The following COQ8A variants were observed in gnomAD, a reference collection of about 807,000 sequenced individuals.
The protein encoded by COQ8A is atypical kinase COQ8A, mitochondrial.
Under a neutral mutation model 65.0 loss-of-function variants are expected in COQ8A, and 51 were observed. That is an observed-to-expected ratio of 0.78 (90% CI 0.63 to 0.99). COQ8A has a LOEUF of 0.99. Among genes scored for constraint, COQ8A ranks in the 50% least tolerant of loss-of-function variants. COQ8A has a pLI of 0.00. For missense variants in COQ8A, 940 were observed against 875.0 expected (o/e 1.07, Z -0.94); for synonymous variants, 371 against 353.2 (o/e 1.05, Z -0.57).
intron 5 of COQ8A, 29 bp from the exon 6 acceptor site, chr1:226,981,998 C>A (rs200690445): frequency 3.1e-6 from 5 of 1,612,830 alleles, no homozygotes; most frequent in Non-Finnish European, 4.2e-6. Context: ...CCCCCGAGTG[C>A]CGTGGTGACC....
chr1:226,951,010 G>C (rs1328738169), intron 1 of COQ8A, among the ~76,000 whole-genome samples: 1 of 152,212 alleles, frequency 6.6e-6, no homozygotes, highest in African/African-American at 2.4e-5. Flanking sequence ...CTGTGTGAGG[G>C]CCATGGTGAG....
intron 1 of COQ8A, among the ~76,000 whole-genome samples, chr1:226,960,397 G>T (rs868795589): frequency 9.7e-6 from 1 of 103,508 alleles, no homozygotes; most frequent in East Asian, 3.2e-4. Context: ...TGTCAGTGGT[G>T]GTACTTGGTG....
chr1:226,942,282 A>G (rs893331503), intron 1 of COQ8A, among the ~76,000 whole-genome samples: 3 of 152,130 alleles, frequency 2.0e-5, no homozygotes, highest in Non-Finnish European at 4.4e-5. Context: ...GCCCTAACCC[A>G]GTGGTAAAAG....
chr1:226,978,568 A>C (rs1275662144), intron 5 of COQ8A, among the ~76,000 whole-genome samples: 103 of 69,776 alleles, frequency 1.5e-3, no homozygotes, highest in Non-Finnish European at 2.4e-3. Flanking sequence ...CCACAGCCAC[A>C]CACCACCTTA....
intron 4 of COQ8A, among the ~76,000 whole-genome samples, chr1:226,967,101 T>C (rs1055405031): frequency 3.9e-5 from 6 of 152,246 alleles, no homozygotes; most frequent in African/African-American, 1.4e-4. Context: ...CAGTCCCTCA[T>C]AGAATATCAC....
In COQ8A at chr1:226,986,446, G is replaced by GC. The variant is rs1660119789; in HGVS notation, c.1660-3dup. The GC allele has an allele frequency of 1.2e-6, 2 of 1,611,328 alleles. No individual in the cohort carries two copies. The highest frequency in any genetic ancestry group is 1.7e-6 in the Non-Finnish European group (2 of 1,179,854). On this transcript the variant is annotated splice_region_variant and splice_polypyrimidine_tract_variant and intron_variant, in intron 14 of 14. Coordinates refer to ENST00000366777, the MANE Select transcript of COQ8A (RefSeq NM_020247.5). ...CGCCGCCATTTATCCTTCCTCTCTT[G>GC]CCCCAGGTCATGGAAGACGCCCACT... is the stretch of plus-strand genomic sequence containing the variant.
intron 7 of COQ8A, 27 bp downstream of exon 7, chr1:226,982,790 C>T (rs768092460): frequency 1.4e-5 from 23 of 1,613,256 alleles, no homozygotes; most frequent in Non-Finnish European, 1.9e-5. Context: ...TCTGCCCACT[C>T]TCTGTGGCCT....
chr1:226,984,888 G>A lies in COQ8A; in HGVS notation c.1519G>A (p.Asp507Asn), dbSNP rs1659982985. Reference protein sequence around the residue: ...DPQQHKVALLDFGATREYDRS... With the variant: ...DPQQHKVALLNFGATREYDRS... ...TCTCTGTCCCCAGGTGGCTCTTTTGGATTTTGGGGCAACGCGGGAATATGA... is the reference window on the plus strand; with the variant it reads ...TCTCTGTCCCCAGGTGGCTCTTTTGAATTTTGGGGCAACGCGGGAATATGA... The change falls in exon 13 of 15, where the codon GAT becomes AAT. Residue 507 changes from aspartate (D) to asparagine (N), a missense_variant. Coordinates refer to ENST00000366777, the MANE Select transcript of COQ8A (RefSeq NM_020247.5). 6.2e-7 allele frequency: 1 copy of A among 1,614,070 alleles called. No homozygotes were observed.
At chr1:226,979,418 C>A (rs192073835) in intron 5 of COQ8A, among the ~76,000 whole-genome samples, 1 of 152,308 alleles carries the variant, frequency 6.6e-6, no homozygotes, top group Non-Finnish European at 1.5e-5. Flanking sequence ...CAGGGGCTTT[C>A]CTGTTAGTGG....
chr1:226,966,896 C>T (rs971585545), intron 4 of COQ8A, among the ~76,000 whole-genome samples: 2 of 152,074 alleles, frequency 1.3e-5, no homozygotes, highest in African/African-American at 2.4e-5. Context: ...TGATGGCTGG[C>T]CCCCCTCTCC....
chr1:226,952,580 A>AT (rs1657451811), intron 1 of COQ8A, among the ~76,000 whole-genome samples: 1 of 151,742 alleles, frequency 6.6e-6, no homozygotes, highest in Non-Finnish European at 1.5e-5. Context: ...CGCCTGGCTA[A>AT]TTTTTTTGTT....
Position 226,982,911 on chromosome 1 carries a change from C to T in COQ8A, c.957C>T (p.Asp319=), listed in dbSNP as rs764147237. The change falls in exon 8 of 15, where the codon GAC becomes GAT. Residue 319 remains aspartate, a synonymous_variant. Coordinates refer to ENST00000366777, the MANE Select transcript of COQ8A (RefSeq NM_020247.5). ...CCCTTCAGAAAACTCTCAACAACGACCTGGGCCCCAACTGGCGGGACAAGT... is the reference window on the plus strand; with the variant it reads ...CCCTTCAGAAAACTCTCAACAACGATCTGGGCCCCAACTGGCGGGACAAGT... ...LKQMMKTLNN[D]LGPNWRDKLE... is the part of the protein sequence containing the mutation. 6 of 1,612,662 alleles carry T rather than the reference C, an allele frequency of 3.7e-6. No individual in the cohort carries two copies. The highest frequency in any genetic ancestry group is 3.4e-6 in the Non-Finnish European group (4 of 1,179,864).
rs12567464 is a variant in COQ8A at position 226,946,685 on chromosome 1, A to G, written c.-10+6286A>G. 0.038 allele frequency among the ~76,000 whole-genome samples: 5,833 copies of G among 152,318 alleles called. 347 individuals are homozygous for G. Among genetic ancestry groups the G allele is most frequent in the African/African-American group, 0.12 (5,076 of 41,550 alleles). On this transcript the variant is annotated intron_variant, in intron 1 of 14. Transcript: ENST00000366777. This position sits in a 1 kb window ranked among gnomAD's most constrained non-coding sequence, Gnocchi z 5.3. The stretch of plus-strand genomic sequence containing the variant: ...TGATTTTAAAAGCTATCGAGGTTTT[A>G]CATACACATGTAGTGCCTAAGGGTT...
In COQ8A at chr1:226,965,416, T is replaced by A; in HGVS notation, c.588+6T>A. ...ACAAGCAGCACAAACAGACGGTGCG[T>A]ATGGGAGGCCCCTGGAGGGCCGAGG... is the stretch of plus-strand genomic sequence containing the variant. On this transcript the variant is annotated splice_donor_region_variant and intron_variant, in intron 3 of 14. Transcript: ENST00000366777. 1.9e-6 allele frequency: 3 copies of A among 1,605,550 alleles called. No homozygotes were observed. Among genetic ancestry groups the A allele is most frequent in the Non-Finnish European group, 2.5e-6 (3 of 1,177,686 alleles).
chr1:226,962,792 C>G (rs1479919004), intron 2 of COQ8A, among the ~76,000 whole-genome samples: 1 of 152,238 alleles, frequency 6.6e-6, no homozygotes, highest in Non-Finnish European at 1.5e-5. Context: ...CCTGTGCTCT[C>G]CCCCGAGCCT....
chr1:226,969,114 G>A (rs760168768), intron 4 of COQ8A, among the ~76,000 whole-genome samples: 4 of 152,068 alleles, frequency 2.6e-5, no homozygotes, highest in African/African-American at 4.8e-5. Context: ...GCAGTGATCC[G>A]TCTATCTAGT....
At chr1:226,983,073 CTGCA>C in intron 8 of COQ8A, 39 bp downstream of exon 8, 1 of 1,557,480 alleles carries the variant, frequency 6.4e-7, no homozygotes, top group Non-Finnish European at 8.7e-7. Context: ...CCTATGGGGG[CTGCA>C]AGGGGCAGAG....
chr1:226,982,196 G>C (rs116286528), intron 6 of COQ8A, 47 bp downstream of exon 6: 20 of 1,542,642 alleles, frequency 1.3e-5, no homozygotes, highest in Middle Eastern at 3.8e-4. Flanking sequence ...TGGGCTGCTG[G>C]GGGGGTCAAC....
rs1243082831 is a variant in COQ8A at position 226,946,388 on chromosome 1, G to T, written c.-10+5989G>T. On this transcript the variant is annotated intron_variant, in intron 1 of 14. Transcript: ENST00000366777. The surrounding 1 kb of genome is among the most constrained non-coding windows in gnomAD (Gnocchi z 5.3). Reference sequence around the variant, plus strand: ...GCAGGATGTGGAAGCTGGAAAACCTGTGTGGGTGTTGGGCGGGGCCGGGGG... The same window carrying T: ...GCAGGATGTGGAAGCTGGAAAACCTTTGTGGGTGTTGGGCGGGGCCGGGGG... 1.3e-5 allele frequency among the ~76,000 whole-genome samples: 2 copies of T among 152,208 alleles called. No homozygotes were observed. The highest frequency in any genetic ancestry group is 3.9e-4 in the East Asian group (2 of 5,182).
Sources: gnomAD v4.1 joint callset for allele counts (sites outside exome capture counted in the v4.1 genomes callset) on GRCh38, gnomAD v4.1.1 for gene constraint, Gnocchi (gnomAD v3.1) non-coding constraint, MANE v1.5 for transcripts, NCBI Gene and HGNC (gene_info 2026-07-23, HGNC 2026-07-21) for gene names.